Variants in CNTNAP2 observed in about 807,000 individuals in gnomAD.
CNTNAP2 encodes contactin associated protein 2, also known as contactin-associated protein-like 2.
Under a neutral mutation model 155.2 loss-of-function variants are expected in CNTNAP2, and 98 were observed. The ratio of observed to expected loss-of-function variants is 0.63; its 90% CI spans 0.54 to 0.75. CNTNAP2 has a LOEUF of 0.75. Among genes scored for constraint, CNTNAP2 ranks in the 30% least tolerant of loss-of-function variants. The probability of loss-of-function intolerance (pLI) is 0.00; values close to 1 mark genes in which losing one functional copy is unlikely to be tolerated. For synonymous variants in CNTNAP2, 651 were observed against 631.2 expected, an observed-to-expected ratio of 1.03 and a Z score of -0.47; for missense variants, 1,727 against 1,688.1, an observed-to-expected ratio of 1.02 and a Z score of -0.40.
intron 4 of CNTNAP2, among the ~76,000 whole-genome samples, chr7:147,088,984 AAG>A (rs1423505020): frequency 2.0e-5 from 3 of 151,348 alleles, no homozygotes; most frequent in Non-Finnish European, 4.4e-5. Context: ...GAAAGAGAGA[AAG>A]AGAGACAGAG....
In CNTNAP2 at chr7:147,144,654, T is replaced by C. The variant is rs140065064; in HGVS notation, c.1348+12145T>C. On this transcript the variant is annotated intron_variant, in intron 8 of 23. Transcript: ENST00000361727. Reference sequence around the variant, plus strand: ...AAGCTTGATGAGGGAAATAAACCCTTGATAGTCTCTATAGGAATTATTTCC... The same window carrying C: ...AAGCTTGATGAGGGAAATAAACCCTCGATAGTCTCTATAGGAATTATTTCC... 2.9e-3 allele frequency among the ~76,000 whole-genome samples: 447 copies of C among 152,290 alleles called. 2 individuals carry two copies. Among genetic ancestry groups the C allele is most frequent in the African/African-American group, 0.01 (423 of 41,566 alleles).
chr7:147,422,449 TA>T (rs1349369917), intron 10 of CNTNAP2, among the ~76,000 whole-genome samples: 3 of 151,972 alleles, frequency 2.0e-5, no homozygotes, highest in African/African-American at 7.2e-5. Context: ...TAATTCATAA[TA>T]TTTAAATTCC....
intron 3 of CNTNAP2, among the ~76,000 whole-genome samples, chr7:146,869,799 T>C (rs1412652355): frequency 2.0e-5 from 3 of 152,092 alleles, no homozygotes; most frequent in African/African-American, 7.2e-5. Flanking sequence ...TTCTGCCTGC[T>C]TTTTCTAGTT....
intron 11 of CNTNAP2, among the ~76,000 whole-genome samples, chr7:147,549,216 A>T (rs1390734475): frequency 6.6e-6 from 1 of 152,248 alleles, no homozygotes; most frequent in Non-Finnish European, 1.5e-5. Context: ...CATGATAATG[A>T]TTCTTCCTCT....
chr7:147,998,313 G>A (rs6464849), intron 15 of CNTNAP2, among the ~76,000 whole-genome samples: 105,574 of 151,516 alleles, frequency 0.7, 37,648 homozygotes, highest in East Asian at 0.83. Flanking sequence ...GGGTTTCACC[G>A]TGTTGGCCAG....
At chr7:147,428,780 CTGT>C (rs1466045830) in intron 10 of CNTNAP2, among the ~76,000 whole-genome samples, 2 of 152,080 alleles carry the variant, frequency 1.3e-5, no homozygotes, top group East Asian at 3.9e-4. Context: ...GATTTTGTTG[CTGT>C]TGTTTTATTT....
At chr7:146,245,336 A>G (rs537165870) in intron 1 of CNTNAP2, among the ~76,000 whole-genome samples, 1,611 of 152,212 alleles carry the variant, frequency 0.011, 25 homozygotes, top group African/African-American at 0.036. Context: ...TGAAGGAGCC[A>G]GGGAGCAGAA....
intron 10 of CNTNAP2, among the ~76,000 whole-genome samples, chr7:147,484,249 C>A (rs1054116431): frequency 2.6e-5 from 4 of 152,086 alleles, no homozygotes; most frequent in African/African-American, 9.7e-5. Flanking sequence ...AATTTTCCAT[C>A]CCTCATGATA....
chr7:147,312,324 A>T (rs1490834156), intron 9 of CNTNAP2, among the ~76,000 whole-genome samples: 2 of 151,608 alleles, frequency 1.3e-5, no homozygotes, highest in East Asian at 2.0e-4. Context: ...CGTTAGTTAC[A>T]TATGTATACA....
intron 22 of CNTNAP2, among the ~76,000 whole-genome samples, chr7:148,406,246 G>GAAATAAAT (rs113402581): frequency 3.3e-5 from 5 of 151,654 alleles, no homozygotes; most frequent in Admixed American, 1.3e-4. Context: ...AATAAAGAAA[G>GAAATAAAT]AAAGAAGGTC....
intron 17 of CNTNAP2, among the ~76,000 whole-genome samples, chr7:148,148,033 C>A (rs1712094466): frequency 7.2e-6 from 1 of 138,708 alleles, no homozygotes; most frequent in Admixed American, 7.4e-5. Context: ...GTTATTTGAT[C>A]ATTTGGGGCA....
chr7:146,144,568 GTA>G (rs1291681396), intron 1 of CNTNAP2, among the ~76,000 whole-genome samples: 1 of 152,172 alleles, frequency 6.6e-6, no homozygotes, highest in Non-Finnish European at 1.5e-5. Context: ...GAGTGTATGT[GTA>G]AAACTCTAGC....
Position 147,860,589 on chromosome 7 carries a change from C to CA in CNTNAP2, c.2099-42962dup, listed in dbSNP as rs11342244. ...TAGGCAACAGAGTGAGACTCTGTCT[C>CA]AAAAAAAAAAAAAAGTGTTTGGCAG... On this transcript the variant is annotated intron_variant, in intron 13 of 23. Transcript: ENST00000361727. 6.9e-3 allele frequency among the ~76,000 whole-genome samples: 855 copies of CA among 124,246 alleles called. 15 individuals are homozygous for CA. Among genetic ancestry groups the CA allele is most frequent in the Non-Finnish European group, 9.9e-3 (582 of 59,002 alleles). The allele number at this position is 124,246 out of a possible 152,430, so 81.5% of individuals were successfully genotyped here. A position where few individuals can be genotyped will look rare whatever the true frequency, so the allele number is the denominator to read the frequency against.
intron 1 of CNTNAP2, among the ~76,000 whole-genome samples, chr7:146,337,134 C>T (rs998659059): frequency 1.3e-5 from 2 of 151,974 alleles, no homozygotes; most frequent in Non-Finnish European, 2.9e-5. Flanking sequence ...GTACCCAGGA[C>T]CCCCCTGTCT....
intron 1 of CNTNAP2, among the ~76,000 whole-genome samples, chr7:146,260,062 A>C (rs1019770115): frequency 7.2e-5 from 11 of 152,338 alleles, no homozygotes; most frequent in African/African-American, 2.4e-4. Flanking sequence ...TGTGGCTAAA[A>C]GGAGGCCAAG....
At chr7:147,310,089 T>C (rs138288207) in intron 9 of CNTNAP2, among the ~76,000 whole-genome samples, 1 of 152,304 alleles carries the variant, frequency 6.6e-6, no homozygotes, top group African/African-American at 2.4e-5. Flanking sequence ...GGAAAGTATT[T>C]ATTATGTAGC....
At chr7:146,568,186 T>C (rs1408930961) in intron 1 of CNTNAP2, among the ~76,000 whole-genome samples, 3 of 152,146 alleles carry the variant, frequency 2.0e-5, no homozygotes, top group African/African-American at 7.2e-5. Context: ...AAAGATACAG[T>C]AGAGATAACA....
chr7:147,778,564 A>G (rs117472218), intron 13 of CNTNAP2, among the ~76,000 whole-genome samples: 2,027 of 152,352 alleles, frequency 0.013, 102 homozygotes, highest in Admixed American at 0.089. Flanking sequence ...CAGAGGTAGC[A>G]CCTGTAGTTT....
chr7:147,434,697 A>C (rs2116535505), intron 10 of CNTNAP2, among the ~76,000 whole-genome samples: 1 of 152,354 alleles, frequency 6.6e-6, no homozygotes, highest in African/African-American at 2.4e-5. Flanking sequence ...GAGTGGACTA[A>C]AAGTAAGTTA....
Sources: allele counts gnomAD v4.1 joint callset (sites outside exome capture counted in the v4.1 genomes callset), GRCh38; gene constraint gnomAD v4.1.1; transcripts MANE v1.5; gene names NCBI Gene and HGNC (gene_info 2026-07-23, HGNC 2026-07-21).